VDR: variants seen among roughly 807,000 people sequenced by gnomAD.
VDR encodes vitamin D receptor, also known as vitamin D3 receptor.
Under a neutral mutation model 39.7 loss-of-function variants are expected in VDR, and 19 were observed. The observed-to-expected ratio is 0.48, with a 90% CI of 0.33 to 0.70. VDR has a LOEUF of 0.70. Among genes scored for constraint, VDR ranks in the 30% least tolerant of loss-of-function variants. The pLI, the probability that VDR is intolerant of heterozygous loss-of-function variation, is 0.02. For missense variants in VDR, 442 were observed against 570.5 expected (o/e 0.77, Z 2.29); for synonymous variants, 242 against 215.8 (o/e 1.12, Z -1.07).
At chr12:47,866,229 T>C (rs1945732470) in intron 3 of VDR, among the ~76,000 whole-genome samples, 1 of 151,768 alleles carries the variant, frequency 6.6e-6, no homozygotes, top group South Asian at 2.1e-4. Flanking sequence ...TGCCTCAGCC[T>C]CCCGAGTAGC....
chr12:47,898,711 G>T (rs924889035), intron 1 of VDR: 2 of 155,380 alleles, frequency 1.3e-5, no homozygotes, highest in African/African-American at 4.8e-5. Flanking sequence ...GCAGTGGTGT[G>T]CATCGACATG....
chr12:47,867,775 T>C (rs1231491818), intron 3 of VDR, among the ~76,000 whole-genome samples: 1 of 152,196 alleles, frequency 6.6e-6, no homozygotes, highest in East Asian at 1.9e-4. Context: ...GCTACTGACG[T>C]CATCTGCTCA....
chr12:47,881,049 G>A (rs938078283), intron 2 of VDR, among the ~76,000 whole-genome samples: 1 of 150,404 alleles, frequency 6.6e-6, no homozygotes, highest in African/African-American at 2.4e-5. Flanking sequence ...AATCAACCCA[G>A]GTGCCCATCA....
chr12:47,856,621 TTA>T (rs548871007), intron 6 of VDR, among the ~76,000 whole-genome samples: 4,588 of 122,936 alleles, frequency 0.037, 88 homozygotes, highest in Middle Eastern at 0.069. Flanking sequence ...TGTGTTTTTT[TTA>T]AAAAAAAAAA....
chr12:47,882,612 C>G (rs902776610), intron 2 of VDR, 82 bp downstream of exon 2: 6 of 1,170,168 alleles, frequency 5.1e-6, no homozygotes, highest in African/African-American at 4.7e-5. Context: ...CCCTGCCCAC[C>G]ACCTTCTTAT....
intron 7 of VDR, among the ~76,000 whole-genome samples, chr12:47,848,185 C>T (rs1317385355): frequency 3.9e-5 from 6 of 152,058 alleles, no homozygotes; most frequent in South Asian, 2.1e-4. Flanking sequence ...TACAGGTGTA[C>T]GCCTAGCTAA....
At chr12:47,871,949 A>C (rs1945891012) in intron 3 of VDR, among the ~76,000 whole-genome samples, 1 of 152,244 alleles carries the variant, frequency 6.6e-6, no homozygotes, top group Non-Finnish European at 1.5e-5. Flanking sequence ...CTTTTACATA[A>C]AGAATCTGGA....
chr12:47,903,138 AT>A (rs1235837693), intron 1 of VDR, among the ~76,000 whole-genome samples: 3 of 152,032 alleles, frequency 2.0e-5, no homozygotes, highest in African/African-American at 4.8e-5. Flanking sequence ...TCTAACTCTC[AT>A]TTTTTCCCCT....
rs546670809 is a variant in VDR, at chr12:47,867,016, A to ACAAAC, written c.147-1840_147-1839insGTTTG. ...GTCTCAAAAAACAAAACAAAACAAA[A>ACAAAC]CAAAAAAAACCCAGAAAACTACTGA... On this transcript the variant is annotated intron_variant, in intron 3 of 9. Transcript: ENST00000549336. Among the ~76,000 whole-genome samples, 21 of 151,348 alleles carry ACAAAC rather than the reference A, an allele frequency of 1.4e-4. No homozygotes were observed. In the South Asian group the frequency reaches 4.2e-3, roughly 30 times the overall value.
In VDR at chr12:47,889,563, C is replaced by T. The variant is rs546050783; in HGVS notation, c.-83-6789G>A. Among the ~76,000 whole-genome samples, 27 of 152,292 alleles carry T rather than the reference C, an allele frequency of 1.8e-4. No individual in the cohort carries two copies. The East Asian group carries it at 3.3e-3, about 18-fold the overall frequency. On this transcript the variant is annotated intron_variant, in intron 1 of 9. Coordinates refer to ENST00000549336, the MANE Select transcript of VDR (RefSeq NM_000376.3). Reference sequence around the variant, plus strand: ...GAGTACTTTAGAGGAAAGTGGGATACGCCTGGCCTGAGCTTTCTCTACTCC... The same window carrying T: ...GAGTACTTTAGAGGAAAGTGGGATATGCCTGGCCTGAGCTTTCTCTACTCC...
At chr12:47,882,985 C>T (rs1252540271) in intron 1 of VDR, 2 of 515,642 alleles carry the variant, frequency 3.9e-6, no homozygotes, top group Admixed American at 7.7e-5. Context: ...GGATGGCCCT[C>T]CCTCGAGGCA....
At chr12:47,886,882 C>G (rs4760648) in intron 1 of VDR, among the ~76,000 whole-genome samples, 3 of 151,986 alleles carry the variant, frequency 2.0e-5, no homozygotes, top group African/African-American at 7.3e-5. Flanking sequence ...ACAGATGGAA[C>G]AGCACCCCAT....
intron 1 of VDR, chr12:47,900,010 C>A: frequency 1.1e-6 from 1 of 950,992 alleles, no homozygotes; most frequent in Non-Finnish European, 1.3e-6. Context: ...GAATAGCTCC[C>A]CATTGGCCAA....
At chr12:47,904,574 A>C (rs1946634157) in intron 1 of VDR, 1 of 1,535,136 alleles carries the variant, frequency 6.5e-7, no homozygotes, top group Non-Finnish European at 8.7e-7. Flanking sequence ...CCTCCACTCC[A>C]GCAGTTCTGA....
intron 8 of VDR, 86 bp downstream of exon 8, chr12:47,846,571 A>G: frequency 6.3e-7 from 1 of 1,590,306 alleles, no homozygotes; most frequent in South Asian, 1.1e-5. Context: ...CCTCCCATGT[A>G]TCTGATTGGA....
chr12:47,868,776 T>G (rs59432959), intron 3 of VDR, among the ~76,000 whole-genome samples: 370 of 144,080 alleles, frequency 2.6e-3, no homozygotes, highest in African/African-American at 7.8e-3. Context: ...TTTTTTTTTT[T>G]TTTGTTTTTC....
At chr12:47,847,612 G>T (rs2137124811) in intron 7 of VDR, among the ~76,000 whole-genome samples, 1 of 151,784 alleles carries the variant, frequency 6.6e-6, no homozygotes, top group African/African-American at 2.4e-5. Context: ...TCACTCTGTT[G>T]CTGAGGCTGG....
At chr12:47,888,193 C>T (rs1179876273) in intron 1 of VDR, among the ~76,000 whole-genome samples, 1 of 152,188 alleles carries the variant, frequency 6.6e-6, no homozygotes. Flanking sequence ...AAGGCTTATT[C>T]ACTATCATGA....
intron 1 of VDR, among the ~76,000 whole-genome samples, chr12:47,904,347 G>C (rs1479521252): frequency 1.3e-5 from 2 of 150,284 alleles, no homozygotes; most frequent in African/African-American, 2.5e-5. Context: ...TACTCCTTGA[G>C]CCCCTTCCTC....
Sources: gnomAD v4.1 joint callset for allele counts (sites outside exome capture counted in the v4.1 genomes callset) on GRCh38, gnomAD v4.1.1 for gene constraint, MANE v1.5 for transcripts, NCBI Gene and HGNC (gene_info 2026-07-23, HGNC 2026-07-21) for gene names.